The following RBBP8NL variants were observed in gnomAD, a reference collection of about 807,000 sequenced individuals.
The protein encoded by RBBP8NL is RBBP8 N-terminal like, also known as RBBP8 N-terminal-like protein.
Under a neutral mutation model 62.2 loss-of-function variants are expected in RBBP8NL, and 59 were observed. The observed-to-expected ratio is 0.95, with a 90% CI of 0.77 to 1.18. The LOEUF is 1.18. Ranked by LOEUF, RBBP8NL falls within the 50% of genes most tolerant of loss-of-function variation. The pLI, the probability that RBBP8NL is intolerant of heterozygous loss-of-function variation, is 0.00. For missense variants in RBBP8NL, 896 were observed against 899.5 expected (o/e 1.00, Z 0.05); for synonymous variants, 412 against 394.1 (o/e 1.05, Z -0.54).
At chr20:62,422,875 C>T (rs1450724556) in intron 1 of RBBP8NL, among the ~76,000 whole-genome samples, 1 of 152,088 alleles carries the variant, frequency 6.6e-6, no homozygotes, top group African/African-American at 2.4e-5. Flanking sequence ...GAGGGCGGAG[C>T]ACCAGGATGC....
At chr20:62,417,498 TCCACGCA>T (rs1988598357) in intron 3 of RBBP8NL, among the ~76,000 whole-genome samples, 179 bp from the exon 4 acceptor site, 3 of 131,066 alleles carry the variant, frequency 2.3e-5, no homozygotes, top group African/African-American at 1.1e-4. Flanking sequence ...GTCTGTCCCG[TCCACGCA>T]GCCCCCCCAG....
In RBBP8NL at chr20:62,417,981, C is replaced by T. The variant is rs1219482136; in HGVS notation, c.104+442G>A. ...TGTGACGTCTGTCCTGTCCACACAC[C>T]GCCCCCCCTGTCATCTGCACGCTCC... On this transcript the variant is annotated intron_variant, in intron 3 of 13. Transcript: ENST00000252998. 1.1e-4 allele frequency among the ~76,000 whole-genome samples: 14 copies of T among 129,380 alleles called. 3 individuals carry two copies. Among genetic ancestry groups the T allele is most frequent in the Non-Finnish European group, 1.8e-4 (11 of 61,598 alleles). 84.9% of individuals were successfully genotyped at this position (129,380 alleles called of 152,430 possible). A position where few individuals can be genotyped will look rare whatever the true frequency, so the allele number is the denominator to read the frequency against.
At chr20:62,415,367 C>T (rs1029172947) in intron 8 of RBBP8NL, 80 bp from the exon 9 acceptor site, 25 of 1,463,992 alleles carry the variant, frequency 1.7e-5, no homozygotes, top group African/African-American at 4.2e-5. Flanking sequence ...CTGCTGCCTG[C>T]CCTGGGCTGC....
rs761705632 is a variant in RBBP8NL at position 62,413,799 on chromosome 20, G to A, written c.1530+22C>T. ...GACGTGGAGGCTGAGGACCGGGTCT[G>A]AGCCAGGACCGGGCTCCTTACCATG... On this transcript the variant is annotated intron_variant, in intron 10 of 13. Coordinates refer to ENST00000252998, the MANE Select transcript of RBBP8NL (RefSeq NM_080833.3). The A allele has an allele frequency of 5.7e-6, 9 of 1,575,888 alleles. No individual in the cohort carries two copies. The South Asian group carries it at 8.3e-5, about 14-fold the overall frequency.
rs747232435 is a variant in RBBP8NL, at chr20:62,413,477, G to T, written c.1599C>A (p.Asp533Glu). 1 of 1,490,770 alleles carries T rather than the reference G, an allele frequency of 6.7e-7. No homozygotes were observed. The highest frequency in any genetic ancestry group is 1.4e-5 in the African/African-American group (1 of 69,194). The allele number at this position is 1,490,770 out of a possible 1,614,324, so 92.3% of individuals were successfully genotyped here. ...LSSPGSTEDEDTGRPLPPPHP... is the reference protein window; with the variant it reads ...LSSPGSTEDEETGRPLPPPHP... ...GGGGAGGTGGCAGAGGCCTCCCTGT[G>T]TCTTCATCTTCTGTACTGCCTGGAG... Residue 533 changes from aspartate to glutamate, a missense_variant, in exon 11 of 14, where the codon GAC becomes GAA. Physicochemically the swap from Asp to Glu is conservative, Grantham distance 45 (BLOSUM62 2). Coordinates refer to ENST00000252998, the MANE Select transcript of RBBP8NL (RefSeq NM_080833.3).
intron 1 of RBBP8NL, among the ~76,000 whole-genome samples, chr20:62,422,035 C>T (rs923967238): frequency 2.0e-5 from 3 of 152,176 alleles, no homozygotes; most frequent in Non-Finnish European, 4.4e-5. Context: ...CCCCCTGCCT[C>T]CCCCCATCTC....
chr20:62,420,247 T>C (rs1988668926), intron 1 of RBBP8NL, among the ~76,000 whole-genome samples: 1 of 152,024 alleles, frequency 6.6e-6, no homozygotes, highest in Non-Finnish European at 1.5e-5. Context: ...CCAACACCAC[T>C]GTCACAGCAC....
At position 62,416,743 on chromosome 20, in the gene RBBP8NL, T is replaced by G. The variant is rs760722909; in HGVS notation, c.313+17A>C. On this transcript the variant is annotated intron_variant, in intron 5 of 13. Transcript: ENST00000252998. ...CCCGTGGGAGAGGACCCCGGTTGTC[T>G]GGTGGGTGGGGCTCACTGAGGATGA... 1 of 1,549,070 alleles carries G rather than the reference T, an allele frequency of 6.5e-7. No homozygotes were observed. Among genetic ancestry groups the G allele is most frequent in the Non-Finnish European group, 8.8e-7 (1 of 1,138,190 alleles).
rs952542633 is a variant in RBBP8NL at position 62,424,210 on chromosome 20, G to A, written c.-84+3250C>T. ...GGAGTCCAGGCTGGAGGGTCTCTGT[G>A]GGTGCTGAGCCCCCTGGAAGGAGTG... On this transcript the variant is annotated intron_variant, in intron 1 of 13. Transcript: ENST00000252998. Among the ~76,000 whole-genome samples, 3 of 152,170 alleles carry A rather than the reference G, an allele frequency of 2.0e-5. No homozygotes were observed. In the East Asian group the frequency reaches 5.8e-4, roughly 29 times the overall value.
chr20:62,423,507 C>T (rs1323970791), intron 1 of RBBP8NL, among the ~76,000 whole-genome samples: 1 of 152,202 alleles, frequency 6.6e-6, no homozygotes, highest in Non-Finnish European at 1.5e-5. Flanking sequence ...TGAAACTCCC[C>T]CCAGACCCGC....
intron 1 of RBBP8NL, among the ~76,000 whole-genome samples, chr20:62,425,455 G>T (rs1014272006): frequency 1.3e-5 from 2 of 152,216 alleles, no homozygotes; most frequent in African/African-American, 4.8e-5. Flanking sequence ...ACACCCAGGG[G>T]AGATGCCACC....
chr20:62,412,802 C>G, intron 12 of RBBP8NL, 28 bp downstream of exon 12: 2 of 1,613,232 alleles, frequency 1.2e-6, no homozygotes, highest in Non-Finnish European at 1.7e-6. Context: ...CCTGGCCCTG[C>G]CCTGCTGAGT....
intron 9 of RBBP8NL, 38 bp downstream of exon 9, chr20:62,415,083 C>A: frequency 1.4e-6 from 2 of 1,441,232 alleles, no homozygotes; most frequent in South Asian, 1.5e-5. Flanking sequence ...AAGAGCTCAT[C>A]TGAGGCTACT....
Position 62,417,373 on chromosome 20 carries a change from C to T in RBBP8NL, c.105-54G>A, listed in dbSNP as rs1032750293. ...CCTGTTCCATCCAGGAAGCCACACG[C>T]TGTCCCCACCATCCAGCCTGGGGGG... On this transcript the variant is annotated intron_variant, in intron 3 of 13. Transcript: ENST00000252998. The T allele has an allele frequency of 1.5e-5, 21 of 1,392,174 alleles. No individual in the cohort carries two copies. In the African/African-American group the frequency reaches 3.9e-4, roughly 26 times the overall value. 86.2% of individuals were successfully genotyped at this position (1,392,174 alleles called of 1,614,324 possible).
chr20:62,416,294 T>TGGGGGGGGGGGGGGGGGGGGGGGGGGGG, intron 5 of RBBP8NL, 58 bp from the exon 6 acceptor site: 1 of 515,308 alleles, frequency 1.9e-6, no homozygotes, highest in Non-Finnish European at 3.8e-6. Flanking sequence ...GGGGCAGGGG[T>TGGGGGGGGGGGGGGGGGGGGGGGGGGGG]GGGGTCGTCA....
chr20:62,417,978 C>T (rs1223583855), intron 3 of RBBP8NL, among the ~76,000 whole-genome samples: 9 of 136,998 alleles, frequency 6.6e-5, no homozygotes, highest in Non-Finnish European at 1.2e-4. Context: ...CCTGTCCACA[C>T]ACCGCCCCCC....
At chr20:62,424,880 T>C (rs889041529) in intron 1 of RBBP8NL, among the ~76,000 whole-genome samples, 5 of 151,942 alleles carry the variant, frequency 3.3e-5, no homozygotes, top group African/African-American at 4.8e-5. Flanking sequence ...GCAGAGAGGG[T>C]GCACCCCCCC....
chr20:62,414,549 G>C lies in RBBP8NL; in HGVS notation c.802C>G (p.Arg268Gly), dbSNP rs375114640. 1 of 1,423,700 alleles carries C rather than the reference G, an allele frequency of 7.0e-7. No individual in the cohort carries two copies. Among genetic ancestry groups the C allele is most frequent in the Non-Finnish European group, 9.2e-7 (1 of 1,083,794 alleles). The allele number at this position is 1,423,700 out of a possible 1,614,324, so 88.2% of individuals were successfully genotyped here. A position where few individuals can be genotyped will look rare whatever the true frequency, so the allele number is the denominator to read the frequency against. ...ERGLSLDSFL[R>G]ASRPSAMTHE... ...GTCATGGCGGAGGGCCGGGAGGCCC[G>C]CAGGAAGCTGTGAGGGAGGAGAAGC... The change falls in exon 10 of 14, where the codon CGG becomes GGG. Residue 268 changes from arginine (R) to glycine (G), a missense_variant. Arg to Gly is a moderately radical substitution (Grantham distance 125, BLOSUM62 -2). Coordinates refer to ENST00000252998, the MANE Select transcript of RBBP8NL (RefSeq NM_080833.3).
At chr20:62,424,417 C>T (rs760504450) in intron 1 of RBBP8NL, among the ~76,000 whole-genome samples, 2 of 152,310 alleles carry the variant, frequency 1.3e-5, no homozygotes, top group Admixed American at 1.3e-4. Flanking sequence ...GTCTTGCCCA[C>T]GGTCAAAGCT....
Sources: gnomAD v4.1 joint callset for allele counts (sites outside exome capture counted in the v4.1 genomes callset) on GRCh38, gnomAD v4.1.1 for gene constraint, MANE v1.5 for transcripts, NCBI Gene and HGNC (gene_info 2026-07-23, HGNC 2026-07-21) for gene names.